Variants in LAMC2 observed in about 807,000 individuals in gnomAD.
LAMC2 encodes laminin subunit gamma 2, also known as laminin subunit gamma-2.
A neutral mutation model predicts 140.2 loss-of-function variants in LAMC2; 97 were observed. The ratio of observed to expected loss-of-function variants is 0.69; its 90% CI spans 0.59 to 0.82. The LOEUF is 0.82. Ranked by LOEUF, LAMC2 falls within the 40% of genes least tolerant of loss-of-function variation. LAMC2 has a pLI of 0.00. For missense variants in LAMC2, 1,402 were observed against 1,476.1 expected, an observed-to-expected ratio of 0.95 and a Z score of 0.82; for synonymous variants, 513 against 540.2, an observed-to-expected ratio of 0.95 and a Z score of 0.70.
At chr1:183,195,663 G>T (rs544934050) in intron 1 of LAMC2, among the ~76,000 whole-genome samples, 1 of 152,218 alleles carries the variant, frequency 6.6e-6, no homozygotes, top group East Asian at 1.9e-4. Flanking sequence ...TGCAAAAGAA[G>T]CCTAAATTCA....
intron 1 of LAMC2, among the ~76,000 whole-genome samples, chr1:183,187,311 G>T (rs1658184248): frequency 6.6e-6 from 1 of 152,224 alleles, no homozygotes; most frequent in African/African-American, 2.4e-5. Flanking sequence ...ACATGCAATT[G>T]TATAAGCCAT....
Position 183,232,303 on chromosome 1 carries a change from G to C in LAMC2, c.1974G>C (p.Gln658His), listed in dbSNP as rs1051098440. ...AAGGCAGGATGCAGCAGGCTGAGCAGGCCCTTCAGGACATTCTGAGAGATG... is the reference window on the plus strand; with the variant it reads ...AAGGCAGGATGCAGCAGGCTGAGCACGCCCTTCAGGACATTCTGAGAGATG... ...ELEGRMQQAE[Q>H]ALQDILRDAQ... Residue 658 changes from glutamine (Q) to histidine (H), a missense_variant, in exon 13 of 23, where the codon CAG becomes CAC. By Grantham distance (24) the Gln-to-His change is conservative (BLOSUM62 0). Transcript: ENST00000264144. 1 of 1,614,064 alleles carries C rather than the reference G, an allele frequency of 6.2e-7. No individual in the cohort carries two copies. The highest frequency in any genetic ancestry group is 2.2e-5 in the East Asian group (1 of 44,872).
intron 4 of LAMC2, 107 bp from the exon 5 acceptor site, chr1:183,220,718 A>G (rs1400235380): frequency 8.4e-7 from 1 of 1,193,162 alleles, no homozygotes; most frequent in Non-Finnish European, 1.2e-6. Context: ...CTGAAAATTA[A>G]TAGGGCCAAA....
Position 183,223,434 on chromosome 1 carries a change from C to G in LAMC2, c.953+110C>G. 3.8e-6 allele frequency: 4 copies of G among 1,050,516 alleles called. No individual in the cohort carries two copies. In the South Asian group the frequency reaches 5.5e-5, roughly 14 times the overall value. The allele number at this position is 1,050,516 out of a possible 1,614,324, so 65.1% of individuals were successfully genotyped here. A position where few individuals can be genotyped will look rare whatever the true frequency, so the allele number is the denominator to read the frequency against. Reference sequence around the variant, plus strand: ...CATTTGTTCAACAAGCCTTTCTGAGCACCTTTTACGTACCATGAAGGTTGC... The same window carrying G: ...CATTTGTTCAACAAGCCTTTCTGAGGACCTTTTACGTACCATGAAGGTTGC... On this transcript the variant is annotated intron_variant, in intron 7 of 22. Transcript: ENST00000264144.
chr1:183,218,042 A>G (rs1392415828), intron 3 of LAMC2, among the ~76,000 whole-genome samples: 1 of 152,238 alleles, frequency 6.6e-6, no homozygotes, highest in Non-Finnish European at 1.5e-5. Context: ...ACAAATGATA[A>G]TTTTTTTAAA....
chr1:183,258,038 A>G, the LAMC2 span, among the ~76,000 whole-genome samples: 3 of 152,174 alleles, frequency 2.0e-5, no homozygotes, highest in Non-Finnish European at 4.4e-5. Context: ...GTTCCTCTGC[A>G]TGCTGGCCTC....
At position 183,236,451 on chromosome 1, in the gene LAMC2, C is replaced by A. The variant is rs774648846; in HGVS notation, c.2457-9C>A. ...TTTATTACCGCCCCCTCCCCACCCC[C>A]AACACCAGATTGGAGAAAACCAAGT... On this transcript the variant is annotated splice_polypyrimidine_tract_variant and intron_variant, in intron 16 of 22. Transcript: ENST00000264144. The A allele has an allele frequency of 6.2e-7, 1 of 1,613,112 alleles. No individual in the cohort carries two copies. Among genetic ancestry groups the A allele is most frequent in the Admixed American group, 1.7e-5 (1 of 59,964 alleles).
Position 183,235,612 on chromosome 1 carries a change from A to G in LAMC2, c.2338A>G (p.Arg780Gly). 2 of 1,614,238 alleles carry G rather than the reference A, an allele frequency of 1.2e-6. No homozygotes were observed. Among genetic ancestry groups the G allele is most frequent in the Non-Finnish European group, 1.7e-6 (2 of 1,180,040 alleles). The change falls in exon 16 of 23, where the codon AGG becomes GGG. Residue 780 changes from arginine to glycine, a missense_variant. Arg to Gly is a moderately radical substitution (Grantham distance 125). Around this residue, in one of 3 missense-constraint regions of LAMC2, gnomAD observed 670 missense variants for 667.2 expected, o/e 1.00. Coordinates refer to ENST00000264144, the MANE Select transcript of LAMC2 (RefSeq NM_005562.3). ...AGCCAGTAACATGGAGCAACTGACAAGGGAAACTGAGGACTATTCCAAACA... is the reference window on the plus strand; with the variant it reads ...AGCCAGTAACATGGAGCAACTGACAGGGGAAACTGAGGACTATTCCAAACA... ...ESASNMEQLT[R>G]ETEDYSKQAL...
At chr1:183,255,994 C>T in the LAMC2 span, among the ~76,000 whole-genome samples, 1 of 152,054 alleles carries the variant, frequency 6.6e-6, no homozygotes, top group Admixed American at 6.6e-5. Flanking sequence ...ACTTTCAGTA[C>T]TTTGCTGAAT....
At chr1:183,193,183 G>A (rs1045868385) in intron 1 of LAMC2, among the ~76,000 whole-genome samples, 1 of 152,144 alleles carries the variant, frequency 6.6e-6, no homozygotes, top group African/African-American at 2.4e-5. Context: ...TTAAAACTAA[G>A]CACAGCTCTA....
chr1:183,257,955 T>C, the LAMC2 span, among the ~76,000 whole-genome samples: 1 of 152,208 alleles, frequency 6.6e-6, no homozygotes, highest in Non-Finnish European at 1.5e-5. Context: ...TTTGGGGTCT[T>C]TCTTCTGTTT....
downstream of LAMC2, chr1:183,249,061 A>C (rs1380587225): frequency 6.6e-6 from 1 of 152,150 alleles, no homozygotes; most frequent in Non-Finnish European, 1.5e-5. Flanking sequence ...AAGTTCTTTA[A>C]TTCTTTCTGA....
chr1:183,216,478 C>A (rs1485452901), intron 3 of LAMC2, among the ~76,000 whole-genome samples: 2 of 152,124 alleles, frequency 1.3e-5, no homozygotes, highest in Non-Finnish European at 2.9e-5. Flanking sequence ...AGCCTAGGTG[C>A]CTGCTTGGTT....
At chr1:183,199,429 C>T (rs1307260000) in intron 1 of LAMC2, among the ~76,000 whole-genome samples, 1 of 150,862 alleles carries the variant, frequency 6.6e-6, no homozygotes, top group Non-Finnish European at 1.5e-5. Flanking sequence ...TTTCTCCTTC[C>T]TTCCTTCCTT....
intron 1 of LAMC2, among the ~76,000 whole-genome samples, chr1:183,206,793 C>T (rs1257151798): frequency 6.6e-6 from 1 of 152,150 alleles, no homozygotes. Flanking sequence ...GCCCTAGAAA[C>T]ATATTCTCAA....
rs764657298 is a variant in LAMC2 at position 183,237,505 on chromosome 1, GTA to G, written c.2754+3_2754+4del. On this transcript the variant is annotated splice_donor_variant and splice_donor_region_variant and intron_variant, in intron 18 of 22. Coordinates refer to ENST00000264144, the MANE Select transcript of LAMC2 (RefSeq NM_005562.3). LOFTEE classifies it high-confidence loss of function. ...ACAGAATGGAAAAAGTGGGAGAGAG[GTA>G]TTCTTTTGTTAATTCATTCACTCAA... The G allele has an allele frequency of 8.1e-6, 13 of 1,612,048 alleles. No individual in the cohort carries two copies. Among genetic ancestry groups the G allele is most frequent in the Non-Finnish European group, 1.0e-5 (12 of 1,178,496 alleles).
At chr1:183,213,933 C>A (rs1364858687) in intron 2 of LAMC2, among the ~76,000 whole-genome samples, 1 of 151,486 alleles carries the variant, frequency 6.6e-6, no homozygotes, top group Non-Finnish European at 1.5e-5. Context: ...GGCGTGGTGG[C>A]GCATGCCTGT....
At chr1:183,247,037 G>A (rs1334293837), downstream of LAMC2, among the ~76,000 whole-genome samples, 1 of 152,234 alleles carries the variant, frequency 6.6e-6, no homozygotes, top group Non-Finnish European at 1.5e-5. Context: ...TTGGCTGAAT[G>A]TGGTGGCTCA....
At chr1:183,236,737 G>A in intron 17 of LAMC2, 133 bp downstream of exon 17, 3 of 1,058,292 alleles carry the variant, frequency 2.8e-6, no homozygotes, top group African/African-American at 3.1e-5. Context: ...AGTGGGAAGA[G>A]TATTTAGCCT....
Sources: gnomAD v4.1 joint callset for allele counts (sites outside exome capture counted in the v4.1 genomes callset) on GRCh38, gnomAD v4.1.1 for gene constraint, gnomAD v4.1.1 regional missense constraint, MANE v1.5 for transcripts, NCBI Gene and HGNC (gene_info 2026-07-23, HGNC 2026-07-21) for gene names.